SLC22A2: variants seen among roughly 807,000 people sequenced by gnomAD.
SLC22A2 encodes organic cation transporter 2.
A neutral mutation model predicts 60.5 loss-of-function variants in SLC22A2; 46 were observed. The ratio of observed to expected loss-of-function variants is 0.76; its 90% CI spans 0.60 to 0.97. The LOEUF (loss-of-function observed/expected upper bound fraction) is 0.97, where lower values mean the gene tolerates loss of function less well. Ranked by LOEUF, SLC22A2 falls within the 50% of genes least tolerant of loss-of-function variation. The pLI is 0.00. For missense variants in SLC22A2, 701 were observed against 706.6 expected, an observed-to-expected ratio of 0.99 and a Z score of 0.09; for synonymous variants, 303 against 267.0, an observed-to-expected ratio of 1.13 and a Z score of -1.31.
At chr6:160,238,942 T>G (rs315987) in intron 9 of SLC22A2, among the ~76,000 whole-genome samples, 104,755 of 152,002 alleles carry the variant, frequency 0.69, 38,279 homozygotes, top group Admixed American at 0.81. Flanking sequence ...AAAATGGGGC[T>G]GAGACCTACT....
At position 160,245,487 on chromosome 6, in the gene SLC22A2, A is replaced by G. The variant is rs1783076581; in HGVS notation, c.1016T>C (p.Val339Ala). ...KKLNPSFLDL[V>A]RTPQIRKHTM... ...ATGTTTCCTTATCTGAGGAGTTCTG[A>G]CCAAGTCAAGAAATGAAGGGTTCAA... The change falls in exon 6 of 11, where the codon GTC becomes GCC. Residue 339 changes from valine to alanine, a missense_variant. Transcript: ENST00000366953. 1 of 1,610,868 alleles carries G rather than the reference A, an allele frequency of 6.2e-7. No individual in the cohort carries two copies. Among genetic ancestry groups the G allele is most frequent in the Non-Finnish European group, 8.5e-7 (1 of 1,178,134 alleles).
chr6:160,233,737 C>T lies in SLC22A2; in HGVS notation c.1501+7737G>A, dbSNP rs529014649. On this transcript the variant is annotated intron_variant, in intron 9 of 10. Coordinates refer to ENST00000366953, the MANE Select transcript of SLC22A2 (RefSeq NM_003058.4). ...CAAATGCGCCTTCTAACAACCTTAC[C>T]GCAAAATCTTCCTTCAGCTTAATCT... Among the ~76,000 whole-genome samples, 25 of 151,846 alleles carry T rather than the reference C, an allele frequency of 1.6e-4. 1 individual carries two copies. Among genetic ancestry groups the T allele is most frequent in the African/African-American group, 5.1e-4 (21 of 41,224 alleles).
chr6:160,245,489 C>T lies in SLC22A2; in HGVS notation c.1014G>A (p.Leu338=), dbSNP rs369778181. The T allele has an allele frequency of 1.1e-4, 185 of 1,610,072 alleles. No individual in the cohort carries two copies. The highest frequency in any genetic ancestry group is 1.5e-4 in the Non-Finnish European group (179 of 1,177,838). The change falls in exon 6 of 11, where the codon TTG becomes TTA. Residue 338 remains leucine, a synonymous_variant. Coordinates refer to ENST00000366953, the MANE Select transcript of SLC22A2 (RefSeq NM_003058.4). The part of the protein sequence containing the change: ...GKKLNPSFLD[L]VRTPQIRKHT... ...GTTTCCTTATCTGAGGAGTTCTGACCAAGTCAAGAAATGAAGGGTTCAATT... is the reference window on the plus strand; with the variant it reads ...GTTTCCTTATCTGAGGAGTTCTGACTAAGTCAAGAAATGAAGGGTTCAATT...
intron 7 of SLC22A2, among the ~76,000 whole-genome samples, chr6:160,243,170 A>T (rs1036593831): frequency 1.3e-4 from 20 of 152,216 alleles, no homozygotes; most frequent in African/African-American, 4.8e-4. Context: ...ATAGTTATTT[A>T]TGGATGGCAT....
chr6:160,256,287 A>G (rs1392048108), intron 2 of SLC22A2, among the ~76,000 whole-genome samples: 3 of 152,144 alleles, frequency 2.0e-5, no homozygotes, highest in Non-Finnish European at 4.4e-5. Context: ...TGATGAGGCC[A>G]AAAAATGAAT....
intron 10 of SLC22A2, among the ~76,000 whole-genome samples, chr6:160,224,280 T>C (rs1424768400): frequency 8.0e-6 from 1 of 125,546 alleles, no homozygotes; most frequent in Non-Finnish European, 1.7e-5. Context: ...AATTATTTGC[T>C]CAAATCTGTT....
intron 8 of SLC22A2, 72 bp from the exon 9 acceptor site, chr6:160,241,658 A>G (rs1450489825): frequency 1.1e-6 from 1 of 911,332 alleles, no homozygotes; most frequent in African/African-American, 1.6e-5. Context: ...CCACCCCTGA[A>G]TAAACACTTC....
chr6:160,244,063 GA>G (rs1384378320), intron 6 of SLC22A2: 2 of 367,418 alleles, frequency 5.4e-6, no homozygotes, highest in Non-Finnish European at 9.9e-6. Context: ...AAGCCAAGAA[GA>G]ATGTCTTAAT....
At chr6:160,233,472 C>T (rs960939333) in intron 9 of SLC22A2, among the ~76,000 whole-genome samples, 1 of 151,822 alleles carries the variant, frequency 6.6e-6, no homozygotes, top group African/African-American at 2.4e-5. Flanking sequence ...CCTCACGAAG[C>T]TCAGCCACCA....
chr6:160,243,717 C>G lies in SLC22A2; in HGVS notation c.1134G>C (p.Leu378=), dbSNP rs763429729. The part of the protein sequence containing the change: ...HMGLAGDNIY[L]DFFYSALVEF... ...CAACCAGGGCAGAGTAGAAGAAATC[C>G]AGGTAGATATTGTCACCTGCAAGGC... The change falls in exon 7 of 11, where the codon CTG becomes CTC. Residue 378 remains leucine, a synonymous_variant. Transcript: ENST00000366953. The G allele has an allele frequency of 9.3e-6, 15 of 1,613,868 alleles. No homozygotes were observed. Among genetic ancestry groups the G allele is most frequent in the Admixed American group, 8.3e-5 (5 of 59,998 alleles).
At chr6:160,238,250 T>A (rs978375472) in intron 9 of SLC22A2, among the ~76,000 whole-genome samples, 7 of 152,228 alleles carry the variant, frequency 4.6e-5, no homozygotes, top group African/African-American at 1.7e-4. Flanking sequence ...TGAAATGAAT[T>A]AATATTGTCA....
rs760603920 is a variant in SLC22A2, at chr6:160,224,822, G to A, written c.1502-18C>T. The A allele has an allele frequency of 7.0e-7, 1 of 1,425,482 alleles. No individual in the cohort carries two copies. Among genetic ancestry groups the A allele is most frequent in the Admixed American group, 1.9e-5 (1 of 51,854 alleles). The allele number at this position is 1,425,482 out of a possible 1,614,324, so 88.3% of individuals were successfully genotyped here. A position where few individuals can be genotyped will look rare whatever the true frequency, so the allele number is the denominator to read the frequency against. ...AAGCACGCCTGAAAGCCAAACAGAT[G>A]AATATCACATTAAGAACTGAAAAAC... On this transcript the variant is annotated intron_variant, in intron 9 of 10. Coordinates refer to ENST00000366953, the MANE Select transcript of SLC22A2 (RefSeq NM_003058.4).
At position 160,241,380 on chromosome 6, in the gene SLC22A2, T is replaced by C. The variant is rs751393160; in HGVS notation, c.1501+94A>G. ...ATGAGTAGTAATTAGTAGTTACTAA[T>C]AGGCATGACACCTGTTTTGAATGAA... On this transcript the variant is annotated intron_variant, in intron 9 of 10. Transcript: ENST00000366953. 63 of 754,326 alleles carry C rather than the reference T, an allele frequency of 8.4e-5. 1 individual carries two copies. The highest frequency in any genetic ancestry group is 2.9e-4 in the African/African-American group (17 of 58,036). 46.7% of individuals were successfully genotyped at this position (754,326 alleles called of 1,614,324 possible). A position where few individuals can be genotyped will look rare whatever the true frequency, so the allele number is the denominator to read the frequency against.
chr6:160,246,941 G>A (rs1170603186), intron 5 of SLC22A2, among the ~76,000 whole-genome samples: 9 of 152,214 alleles, frequency 5.9e-5, no homozygotes, highest in African/African-American at 1.7e-4. Flanking sequence ...AGCTCCTCAC[G>A]TGACCTTTAA....
At position 160,249,411 on chromosome 6, in the gene SLC22A2, G is replaced by A. The variant is rs780747750; in HGVS notation, c.674-27C>T. 10 of 1,591,728 alleles carry A rather than the reference G, an allele frequency of 6.3e-6. No individual in the cohort carries two copies. In the South Asian group the frequency reaches 1.1e-4, roughly 18 times the overall value. On this transcript the variant is annotated intron_variant, in intron 3 of 10. Transcript: ENST00000366953. ...TGCAGAGAGAATTTGAATGGTTAAT[G>A]CAATTCAATACAATAATGAGTTGGC...
intron 8 of SLC22A2, among the ~76,000 whole-genome samples, chr6:160,241,841 A>G (rs1783008318): frequency 6.6e-6 from 1 of 151,106 alleles, no homozygotes; most frequent in African/African-American, 2.4e-5. Flanking sequence ...TCAAGAGTTT[A>G]AAAAAACATT....
intron 9 of SLC22A2, among the ~76,000 whole-genome samples, chr6:160,226,634 G>A (rs1342913991): frequency 3.9e-5 from 6 of 152,132 alleles, no homozygotes; most frequent in South Asian, 4.2e-4. Context: ...TTGGAATCTC[G>A]GAGCCTACTC....
intron 8 of SLC22A2, among the ~76,000 whole-genome samples, chr6:160,241,854 C>T (rs536085703): frequency 1.4e-5 from 2 of 143,282 alleles, no homozygotes; most frequent in East Asian, 2.1e-4. Flanking sequence ...AAAACATTCA[C>T]GTTATTTTCA....
Position 160,247,268 on chromosome 6 carries a change from G to T in SLC22A2, c.873C>A (p.Ile291=). 3.7e-6 allele frequency: 6 copies of T among 1,613,080 alleles called. No homozygotes were observed. The highest frequency in any genetic ancestry group is 5.1e-6 in the Non-Finnish European group (6 of 1,179,056). The change falls in exon 5 of 11, where the codon ATC becomes ATA. Residue 291 remains isoleucine, a synonymous_variant. Transcript: ENST00000366953. ...TGGCTTCAGCATTCTTATTCTGGGA[G>T]ATCAGCCACCTGGGAGACTCAGGTA... ...WCIPESPRWL[I]SQNKNAEAMR... is the part of the protein sequence containing the mutation.
Sources: gnomAD v4.1 joint callset for allele counts (sites outside exome capture counted in the v4.1 genomes callset) on GRCh38, gnomAD v4.1.1 for gene constraint, MANE v1.5 for transcripts, NCBI Gene and HGNC (gene_info 2026-07-23, HGNC 2026-07-21) for gene names.